The following SAP130 variants were observed in gnomAD, a reference collection of about 807,000 sequenced individuals.
SAP130 encodes the protein Sin3A associated protein 130, also known as histone deacetylase complex subunit SAP130.
A neutral mutation model predicts 103.2 loss-of-function variants in SAP130; 16 were observed. That is an observed-to-expected ratio of 0.16 (90% confidence interval 0.10 to 0.24). The LOEUF is 0.24. Ranked by LOEUF, SAP130 falls within the 10% of genes least tolerant of loss-of-function variation. The pLI is 1.00. For synonymous variants in SAP130, 477 were observed against 497.0 expected, an observed-to-expected ratio of 0.96 and a Z score of 0.53; for missense variants, 990 against 1,359.7, an observed-to-expected ratio of 0.73 and a Z score of 4.28.
In SAP130 at chr2:127,996,836, G is replaced by A. The variant is rs931833055; in HGVS notation, c.1214-345C>T. On this transcript the variant is annotated intron_variant, in intron 10 of 20. Coordinates refer to ENST00000643581, the MANE Select transcript of SAP130 (RefSeq NM_001330301.2). The surrounding 1 kb of genome is among the most constrained non-coding windows in gnomAD (Gnocchi z 4.3). The stretch of plus-strand genomic sequence containing the variant: ...GGAGGCTGAGGCGGGAGGATCACTT[G>A]AGTTCAGGAGTTCAAGGCTACAGTG... 3.3e-5 allele frequency among the ~76,000 whole-genome samples: 5 copies of A among 152,070 alleles called. No individual in the cohort carries two copies. Among genetic ancestry groups the A allele is most frequent in the African/African-American group, 9.7e-5 (4 of 41,410 alleles).
At chr2:128,009,463 C>T (rs1414807736) in intron 7 of SAP130, among the ~76,000 whole-genome samples, 2 of 151,958 alleles carry the variant, frequency 1.3e-5, no homozygotes, top group Non-Finnish European at 2.9e-5. Flanking sequence ...AGAGTGAGAC[C>T]CTGTCTCCAA....
intron 15 of SAP130, among the ~76,000 whole-genome samples, chr2:127,971,811 G>A (rs1407442481): frequency 6.6e-6 from 1 of 152,168 alleles, no homozygotes; most frequent in Non-Finnish European, 1.5e-5. Context: ...ATGGTGGCAT[G>A]TTTCATTATA....
chr2:128,020,658 T>C (rs1253819911), intron 2 of SAP130, among the ~76,000 whole-genome samples: 1 of 152,212 alleles, frequency 6.6e-6, no homozygotes, highest in Non-Finnish European at 1.5e-5. Flanking sequence ...ACTCAATATA[T>C]ACCTAGGATT....
At chr2:128,012,116 A>G (rs751376149) in intron 6 of SAP130, among the ~76,000 whole-genome samples, 9 of 152,132 alleles carry the variant, frequency 5.9e-5, no homozygotes, top group Non-Finnish European at 1.2e-4. Context: ...CGCCTGGCCT[A>G]ATCTCATCTT....
At position 127,941,943 on chromosome 2, in the gene SAP130, C is replaced by CA; in HGVS notation, c.*62_*63insT. 1 of 202,356 alleles carries CA rather than the reference C, an allele frequency of 4.9e-6. No homozygotes were observed. The highest frequency in any genetic ancestry group is 3.9e-5 in the South Asian group (1 of 25,936). The allele number at this position is 202,356 out of a possible 1,614,324, so 12.5% of individuals were successfully genotyped here. A position where few individuals can be genotyped will look rare whatever the true frequency, so the allele number is the denominator to read the frequency against. On this transcript the variant is annotated 3_prime_UTR_variant, in exon 21 of 21. Transcript: ENST00000643581. ...GTTCCACTTTGGAAAAAACCAAAAC[C>CA]CTCCCCCCACCCCCACCATCATTCT...
intron 15 of SAP130, among the ~76,000 whole-genome samples, chr2:127,959,237 A>C (rs1461544771): frequency 6.6e-6 from 1 of 152,162 alleles, no homozygotes; most frequent in East Asian, 1.9e-4. Flanking sequence ...GCGCTGGAGA[A>C]GCTGATAACA....
intron 1 of SAP130, chr2:128,027,299 C>G (rs1685586178): frequency 8.6e-7 from 1 of 1,160,220 alleles, no homozygotes. Context: ...TCCTCTTCCC[C>G]CGAACCTGCC....
chr2:128,027,376 CA>C (rs1685594503), intron 1 of SAP130: 2 of 1,145,618 alleles, frequency 1.7e-6, no homozygotes, highest in Middle Eastern at 3.6e-4. Flanking sequence ...GACCAATCCA[CA>C]GCGACCTGCA....
At chr2:127,965,993 T>C (rs1223344281) in intron 15 of SAP130, among the ~76,000 whole-genome samples, 1 of 152,202 alleles carries the variant, frequency 6.6e-6, no homozygotes, top group East Asian at 1.9e-4. Context: ...TTGTAAATTC[T>C]GCTTTATGAG....
intron 7 of SAP130, among the ~76,000 whole-genome samples, chr2:128,005,828 C>A (rs551123807): frequency 5.6e-4 from 85 of 151,998 alleles, no homozygotes; most frequent in African/African-American, 2.0e-3. Context: ...CAGGGTTTCA[C>A]CATGTTGGCC....
In SAP130 at chr2:127,999,841, A is replaced by G; in HGVS notation, c.1113T>C (p.Ser371=). The G allele has an allele frequency of 6.5e-7, 1 of 1,530,838 alleles. No individual in the cohort carries two copies. 94.8% of individuals were successfully genotyped at this position (1,530,838 alleles called of 1,614,324 possible). ...TTGTGGGAGCTTGCGTGTGTGACAC[A>G]GATCCTGAAATAGGGGAAAAAAGGA... ...NTIPSATTAG[S]VSHTQAPTST... Residue 371 remains serine (S), a synonymous_variant, in exon 10 of 21, where the codon TCT becomes TCC. Transcript: ENST00000643581.
chr2:127,989,656 T>C lies in SAP130; in HGVS notation c.1688A>G (p.Gln563Arg). ...PGIQPAPLGT[Q>R]GIHSATPINT... ...GATTGGGGTTGCTGAGTGAATTCCC[T>C]GTGTGCCAAGTGGTGCAGGCTGTAT... is the stretch of plus-strand genomic sequence containing the variant. Residue 563 changes from glutamine (Q) to arginine (R), a missense_variant, in exon 13 of 21, where the codon CAG becomes CGG. By Grantham distance (43) the Gln-to-Arg change is conservative. Transcript: ENST00000643581. This position sits in a 1 kb window ranked among gnomAD's most constrained non-coding sequence, Gnocchi z 4.6. 1.2e-6 allele frequency: 2 copies of C among 1,614,196 alleles called. No homozygotes were observed. The highest frequency in any genetic ancestry group is 1.1e-5 in the South Asian group (1 of 91,086).
intron 15 of SAP130, among the ~76,000 whole-genome samples, chr2:127,968,999 C>T (rs969993852): frequency 6.6e-6 from 1 of 152,194 alleles, no homozygotes; most frequent in African/African-American, 2.4e-5. Flanking sequence ...AAATAACTTA[C>T]TATTTATCTT....
chr2:128,011,550 G>A (rs942904072), intron 6 of SAP130, among the ~76,000 whole-genome samples: 3 of 152,062 alleles, frequency 2.0e-5, no homozygotes, highest in Non-Finnish European at 4.4e-5. Flanking sequence ...TTCCTCACTC[G>A]GGAGCTCCTT....
chr2:127,998,469 A>G, intron 10 of SAP130, among the ~76,000 whole-genome samples: 1 of 152,238 alleles, frequency 6.6e-6, no homozygotes, highest in East Asian at 1.9e-4. Flanking sequence ...TGATTTTAAT[A>G]TGTATGTTTT....
chr2:128,016,377 A>C lies in SAP130; in HGVS notation c.507+12T>G. 6.2e-7 allele frequency: 1 copy of C among 1,602,846 alleles called. No individual in the cohort carries two copies. Among genetic ancestry groups the C allele is most frequent in the Non-Finnish European group, 8.5e-7 (1 of 1,174,456 alleles). On this transcript the variant is annotated intron_variant, in intron 4 of 20. Transcript: ENST00000643581. ...TCAGTTTGAAAATCAGCAAATTAAA[A>C]GGAAGAAAAACCTGTTGTCCACTGA...
chr2:128,010,156 T>G (rs1204282543), intron 7 of SAP130, 113 bp downstream of exon 7: 2 of 1,158,606 alleles, frequency 1.7e-6, no homozygotes, highest in Non-Finnish European at 2.4e-6. Context: ...CATAGCTCAT[T>G]ATAAAAAAAA....
At chr2:128,014,462 G>C (rs1012126622) in intron 5 of SAP130, among the ~76,000 whole-genome samples, 2 of 150,878 alleles carry the variant, frequency 1.3e-5, no homozygotes, top group African/African-American at 2.5e-5. Flanking sequence ...TCAGCCTCCT[G>C]AGTAGATGGG....
At chr2:128,007,182 C>T (rs1034180005) in intron 7 of SAP130, among the ~76,000 whole-genome samples, 1 of 152,178 alleles carries the variant, frequency 6.6e-6, no homozygotes, top group African/African-American at 2.4e-5. Flanking sequence ...TGGATTCAAC[C>T]AAGCATGGAT....
Sources: allele counts gnomAD v4.1 joint callset (sites outside exome capture counted in the v4.1 genomes callset), GRCh38; gene constraint gnomAD v4.1.1; non-coding constraint Gnocchi (gnomAD v3.1); transcripts MANE v1.5; gene names NCBI Gene and HGNC (gene_info 2026-07-23, HGNC 2026-07-21).